CNOT11: variants seen among roughly 807,000 people sequenced by gnomAD.
The protein encoded by CNOT11 is UPF0760 protein C2orf29.
In CNOT11, 18 loss-of-function variants were observed where a neutral mutation model predicts 44.6. The ratio of observed to expected loss-of-function variants is 0.40; its 90% CI spans 0.28 to 0.60. The LOEUF (loss-of-function observed/expected upper bound fraction) is 0.60. Among genes scored for constraint, CNOT11 ranks in the 20% least tolerant of loss-of-function variants. The pLI is 0.38. For synonymous variants in CNOT11, 291 were observed against 270.9 expected (o/e 1.07, Z -0.73); for missense variants, 513 against 677.0 (o/e 0.76, Z 2.69).
chr2:101,258,616 C>T (rs535777884), intron 2 of CNOT11, among the ~76,000 whole-genome samples: 8 of 151,674 alleles, frequency 5.3e-5, no homozygotes, highest in African/African-American at 1.9e-4. Flanking sequence ...AAACAATCAA[C>T]AGATTTGGTG....
At chr2:101,266,017 G>A (rs980739852) in intron 4 of CNOT11, among the ~76,000 whole-genome samples, 1 of 152,148 alleles carries the variant, frequency 6.6e-6, no homozygotes, top group Admixed American at 6.5e-5. Context: ...AGACCATCCT[G>A]AAAACACAGT....
At chr2:101,266,944 A>G (rs1286640858) in intron 5 of CNOT11, 65 bp downstream of exon 5, 1 of 1,182,082 alleles carries the variant, frequency 8.5e-7, no homozygotes, top group Non-Finnish European at 1.2e-6. Flanking sequence ...GGAAAGAAAA[A>G]TTGTAACAGA....
chr2:101,265,245 C>T (rs531605928), intron 4 of CNOT11, among the ~76,000 whole-genome samples, 198 bp downstream of exon 4: 1 of 152,228 alleles, frequency 6.6e-6, no homozygotes, highest in South Asian at 2.1e-4. Flanking sequence ...AGACTACAGG[C>T]ATGCACCACC....
chr2:101,263,192 C>A (rs1681907527), intron 3 of CNOT11, among the ~76,000 whole-genome samples: 1 of 150,816 alleles, frequency 6.6e-6, no homozygotes, highest in Non-Finnish European at 1.5e-5. Context: ...GCCTGGGTGA[C>A]AGAGTGAGAT....
chr2:101,255,930 G>C (rs1421573247), intron 1 of CNOT11, among the ~76,000 whole-genome samples: 2 of 152,124 alleles, frequency 1.3e-5, no homozygotes, highest in African/African-American at 4.8e-5. Flanking sequence ...TTGAGGCCAG[G>C]AGTTGGAAGC....
intron 2 of CNOT11, among the ~76,000 whole-genome samples, chr2:101,259,083 G>A (rs1681795735): frequency 6.6e-6 from 1 of 152,158 alleles, no homozygotes. Context: ...GCAGTGAGCT[G>A]TGATTGCGCC....
chr2:101,267,757 T>G (rs1303280036), intron 5 of CNOT11, among the ~76,000 whole-genome samples: 1 of 152,208 alleles, frequency 6.6e-6, no homozygotes, highest in African/African-American at 2.4e-5. Flanking sequence ...TTAAGTTGTT[T>G]ATGTGCAGGG....
intron 3 of CNOT11, 82 bp downstream of exon 3, chr2:101,262,773 C>G (rs151008499): frequency 8.9e-7 from 1 of 1,117,570 alleles, no homozygotes; most frequent in Non-Finnish European, 1.3e-6. Context: ...TTTGAGACAT[C>G]ATTTTATTTT....
rs544159401 is a variant in CNOT11 at position 101,269,810 on chromosome 2, C to T, written c.*397C>T. The T allele has an allele frequency of 6.2e-6, 1 of 161,390 alleles. No homozygotes were observed. The highest frequency in any genetic ancestry group is 1.8e-4 in the South Asian group (1 of 5,712). 10.0% of individuals were successfully genotyped at this position (161,390 alleles called of 1,614,324 possible). On this transcript the variant is annotated 3_prime_UTR_variant, in exon 7 of 7. Coordinates refer to ENST00000289382, the MANE Select transcript of CNOT11 (RefSeq NM_017546.5). The surrounding 1 kb of genome is among the most constrained non-coding windows in gnomAD (Gnocchi z 4.8). ...GAGAGTAAATTCTTAAGCATTTGTCCTAGAGGTGAAAGCAGCTGAATGTTT... is the reference window on the plus strand; with the variant it reads ...GAGAGTAAATTCTTAAGCATTTGTCTTAGAGGTGAAAGCAGCTGAATGTTT...
intron 1 of CNOT11, 119 bp from the exon 2 acceptor site, chr2:101,257,672 A>C: frequency 4.2e-6 from 3 of 714,876 alleles, no homozygotes; most frequent in Non-Finnish European, 7.0e-6. Context: ...ACTTAATCAT[A>C]ATTTAGTTCT....
In CNOT11 at chr2:101,261,285, T is replaced by C. The variant is rs542769372; in HGVS notation, c.680-1254T>C. ...TCCTGTGCCTGCCTATAGTTTCACT[T>C]TGCATGCCCTTGAACTTTATACATG... is the stretch of plus-strand genomic sequence containing the variant. On this transcript the variant is annotated intron_variant, in intron 2 of 6. Coordinates refer to ENST00000289382, the MANE Select transcript of CNOT11 (RefSeq NM_017546.5). Among the ~76,000 whole-genome samples, 87 of 152,334 alleles carry C rather than the reference T, an allele frequency of 5.7e-4. 1 individual carries two copies. The highest frequency in any genetic ancestry group is 2.0e-3 in the African/African-American group (83 of 41,584).
In CNOT11 at chr2:101,256,340, T is replaced by C. The variant is rs554627720; in HGVS notation, c.515-1451T>C. Among the ~76,000 whole-genome samples, 9 of 152,150 alleles carry C rather than the reference T, an allele frequency of 5.9e-5. No individual in the cohort carries two copies. The East Asian group carries it at 1.7e-3, about 29-fold the overall frequency. ...TGATCAGATTTGTACTCTAGAGATA[T>C]AACTAAATGGTAAGAGGAAGTATGG... On this transcript the variant is annotated intron_variant, in intron 1 of 6. Coordinates refer to ENST00000289382, the MANE Select transcript of CNOT11 (RefSeq NM_017546.5).
intron 2 of CNOT11, among the ~76,000 whole-genome samples, chr2:101,262,162 T>C (rs1388602828): frequency 6.6e-6 from 1 of 152,166 alleles, no homozygotes; most frequent in African/African-American, 2.4e-5. Context: ...CTTTCTTTTT[T>C]TAAAACATTG....
intron 4 of CNOT11, among the ~76,000 whole-genome samples, chr2:101,266,090 C>T (rs1042851720): frequency 2.0e-5 from 3 of 152,210 alleles, no homozygotes; most frequent in Middle Eastern, 6.3e-3. Flanking sequence ...AGAGGAAGTG[C>T]TTACTTCATA....
chr2:101,260,687 G>A (rs1681835367), intron 2 of CNOT11, among the ~76,000 whole-genome samples: 1 of 152,162 alleles, frequency 6.6e-6, no homozygotes, highest in African/African-American at 2.4e-5. Flanking sequence ...AAGTAGACAA[G>A]TTAAACATAA....
At chr2:101,257,249 T>A (rs1429698043) in intron 1 of CNOT11, among the ~76,000 whole-genome samples, 2 of 151,584 alleles carry the variant, frequency 1.3e-5, no homozygotes, top group African/African-American at 4.8e-5. Flanking sequence ...AAACATTAGC[T>A]GGGCATGGTG....
chr2:101,263,082 G>A (rs1681904742), intron 3 of CNOT11, among the ~76,000 whole-genome samples: 1 of 152,084 alleles, frequency 6.6e-6, no homozygotes, highest in Admixed American at 6.6e-5. Context: ...TTAGCCGAGT[G>A]TAGTGGCATG....
chr2:101,253,161 A>G lies in CNOT11; in HGVS notation c.197A>G (p.Lys66Arg). ...GPAGRMSLTP[K>R]ELSSLLSIIS... ...GCGGGCAGGATGAGCTTGACCCCGA[A>G]GGAGCTCTCGAGCCTGCTGAGCATC... The change falls in exon 1 of 7, where the codon AAG becomes AGG. Residue 66 changes from lysine to arginine, a missense_variant. By Grantham distance (26) the Lys-to-Arg change is conservative. Transcript: ENST00000289382. This position sits in a 1 kb window ranked among gnomAD's most constrained non-coding sequence, Gnocchi z 4.3. The G allele has an allele frequency of 6.3e-7, 1 of 1,589,722 alleles. No individual in the cohort carries two copies. Among genetic ancestry groups the G allele is most frequent in the African/African-American group, 1.4e-5 (1 of 72,210 alleles).
chr2:101,268,805 TCAA>T (rs1264483874), intron 5 of CNOT11, among the ~76,000 whole-genome samples: 1 of 152,138 alleles, frequency 6.6e-6, no homozygotes, highest in Non-Finnish European at 1.5e-5. Context: ...GGGACAGGGC[TCAA>T]AAAAATAATT....
Sources: gnomAD v4.1 joint callset for allele counts (sites outside exome capture counted in the v4.1 genomes callset) on GRCh38, gnomAD v4.1.1 for gene constraint, Gnocchi (gnomAD v3.1) non-coding constraint, MANE v1.5 for transcripts, NCBI Gene and HGNC (gene_info 2026-07-23, HGNC 2026-07-21) for gene names.